The following ARHGAP39 variants were observed in gnomAD, a reference collection of about 807,000 sequenced individuals.
ARHGAP39 encodes Rho GTPase activating protein 39.
ARHGAP39 carries 44 observed loss-of-function variants against 106.9 expected under a neutral mutation model. The ratio of observed to expected loss-of-function variants is 0.41; its 90% confidence interval spans 0.32 to 0.53. The LOEUF is 0.53. Ranked by LOEUF, ARHGAP39 falls within the 20% of genes least tolerant of loss-of-function variation. The pLI is 0.21. For synonymous variants in ARHGAP39, 768 were observed against 693.2 expected (o/e 1.11, Z -1.69); for missense variants, 1,496 against 1,577.3 (o/e 0.95, Z 0.87).
At chr8:144,601,353 C>CGTGTGCGTGGAGGTGT (rs1819926901) in intron 2 of ARHGAP39, among the ~76,000 whole-genome samples, 1 of 83,616 alleles carries the variant, frequency 1.2e-5, no homozygotes, top group African/African-American at 4.6e-5. Context: ...TACCTGTGTG[C>CGTGTGCGTGGAGGTGT]GTGTGCGAGC....
intron 1 of ARHGAP39, among the ~76,000 whole-genome samples, chr8:144,629,300 A>G (rs1214432024): frequency 6.6e-6 from 1 of 152,180 alleles, no homozygotes; most frequent in Non-Finnish European, 1.5e-5. Context: ...ACACCTCAAG[A>G]GCAGACCCGC....
At position 144,530,407 on chromosome 8, in the gene ARHGAP39, C is replaced by G. The variant is rs754099493; in HGVS notation, c.*15G>C. 5.7e-6 allele frequency: 9 copies of G among 1,580,420 alleles called. No homozygotes were observed. The highest frequency in any genetic ancestry group is 6.9e-6 in the Non-Finnish European group (8 of 1,160,576). On this transcript the variant is annotated 3_prime_UTR_variant, in exon 12 of 12. Transcript: ENST00000377307. ...GGGGGCGGCAGGACATCCCTCCTGT[C>G]CCCGGGCGCCCCCGCTACAGCACAC...
At position 144,646,573 on chromosome 8, in the gene ARHGAP39, C is replaced by T. The variant is rs1821449616; in HGVS notation, c.-82+39113G>A. On this transcript the variant is annotated intron_variant, in intron 1 of 11. Coordinates refer to ENST00000377307, the MANE Select transcript of ARHGAP39 (RefSeq NM_025251.3). This position sits in a 1 kb window ranked among gnomAD's most constrained non-coding sequence, Gnocchi z 5.7. The stretch of plus-strand genomic sequence containing the variant: ...ACTGGGGTGGGCACAGGCTGGCGGG[C>T]ATGGAAGCCTCGTCCTTTCTGCACC... Among the ~76,000 whole-genome samples, 1 of 152,302 alleles carries T rather than the reference C, an allele frequency of 6.6e-6. No individual in the cohort carries two copies. Among genetic ancestry groups the T allele is most frequent in the African/African-American group, 2.4e-5 (1 of 41,566 alleles).
chr8:144,579,222 A>AAG (rs1377643600), intron 3 of ARHGAP39, among the ~76,000 whole-genome samples: 4 of 150,814 alleles, frequency 2.7e-5, no homozygotes, highest in Admixed American at 1.3e-4. Context: ...AAAAAAAAAA[A>AAG]AAAGAAAGTG....
At chr8:144,626,499 G>A (rs1371280073) in intron 1 of ARHGAP39, among the ~76,000 whole-genome samples, 1 of 84,028 alleles carries the variant, frequency 1.2e-5, no homozygotes, top group Admixed American at 1.1e-4. Context: ...CTGTCCCCGC[G>A]GCCCCGTTCA....
At chr8:144,631,218 A>AC (rs1489165529) in intron 1 of ARHGAP39, among the ~76,000 whole-genome samples, 17 of 152,204 alleles carry the variant, frequency 1.1e-4, no homozygotes, top group African/African-American at 3.4e-4. Flanking sequence ...GCCAGACCCC[A>AC]CCTCCAACAC....
intron 2 of ARHGAP39, among the ~76,000 whole-genome samples, chr8:144,599,358 T>C (rs1819753110): frequency 6.6e-6 from 1 of 152,166 alleles, no homozygotes; most frequent in African/African-American, 2.4e-5. Flanking sequence ...GGCAGTGATG[T>C]CTAGGGGATG....
intron 1 of ARHGAP39, among the ~76,000 whole-genome samples, chr8:144,637,900 G>T (rs1224256865): frequency 6.7e-6 from 1 of 149,146 alleles, no homozygotes; most frequent in Non-Finnish European, 1.5e-5. Flanking sequence ...TTGCTATGTT[G>T]CTTAGGCTGG....
chr8:144,546,179 A>C (rs1442183995), intron 5 of ARHGAP39, among the ~76,000 whole-genome samples: 1 of 152,140 alleles, frequency 6.6e-6, no homozygotes, highest in African/African-American at 2.4e-5. Flanking sequence ...TCAGGCACGG[A>C]AGGCTGCAGT....
chr8:144,555,957 A>G (rs1384184284), intron 3 of ARHGAP39, among the ~76,000 whole-genome samples: 1 of 152,224 alleles, frequency 6.6e-6, no homozygotes, highest in Non-Finnish European at 1.5e-5. Context: ...TCAGCCAGAC[A>G]TAAAAAGATG....
intron 4 of ARHGAP39, among the ~76,000 whole-genome samples, chr8:144,553,489 A>C (rs1167181432): frequency 2.0e-5 from 3 of 152,002 alleles, no homozygotes; most frequent in Non-Finnish European, 4.4e-5. Context: ...CCACTTCCCC[A>C]CCCTGCTCCA....
At chr8:144,618,075 C>G (rs1441110564) in intron 1 of ARHGAP39, among the ~76,000 whole-genome samples, 1 of 152,184 alleles carries the variant, frequency 6.6e-6, no homozygotes, top group Non-Finnish European at 1.5e-5. Flanking sequence ...AGCCACCACG[C>G]CTGGCCTAAA....
intron 2 of ARHGAP39, among the ~76,000 whole-genome samples, chr8:144,596,852 C>A (rs1264025067): frequency 6.6e-6 from 1 of 152,248 alleles, no homozygotes. Flanking sequence ...GGGTACCACA[C>A]CCCTAAGCAC....
In ARHGAP39 at chr8:144,533,232, C is replaced by T; in HGVS notation, c.2782G>A (p.Gly928Ser). ...MFGSALQEVM[G>S]MQRERYPERQ... ...TCGGGGTAGCGCTCTCTCTGCATGC[C>T]CATGACCTCCTGCAGTGCGCTGCCG... The change falls in exon 9 of 12, where the codon GGC (glycine) becomes AGC (serine). Residue 928 changes from glycine to serine, a missense_variant. By Grantham distance (56) the Gly-to-Ser change is moderately conservative. This residue lies in a region of ARHGAP39 where 470 missense variants were observed against 605.1 expected (regional missense o/e 0.78). Transcript: ENST00000377307. 6.2e-7 allele frequency: 1 copy of T among 1,613,128 alleles called. No individual in the cohort carries two copies. Among genetic ancestry groups the T allele is most frequent in the Non-Finnish European group, 8.5e-7 (1 of 1,179,988 alleles).
At chr8:144,541,285 G>C (rs1263682217) in intron 6 of ARHGAP39, among the ~76,000 whole-genome samples, 1 of 152,156 alleles carries the variant, frequency 6.6e-6, no homozygotes, top group African/African-American at 2.4e-5. Context: ...TCCCACCATC[G>C]GCCCAGGATT....
rs386414277 is a variant in ARHGAP39, at chr8:144,627,554, CAAAAAAAAA to C, written c.-81-21868_-81-21860del. Among the ~76,000 whole-genome samples, 7 of 103,778 alleles carry C rather than the reference CAAAAAAAAA, an allele frequency of 6.7e-5. No homozygotes were observed. The South Asian group carries it at 2.5e-3, about 36-fold the overall frequency. The allele number at this position is 103,778 out of a possible 152,430, so 68.1% of individuals were successfully genotyped here. ...TGGGAGACAGAGTGAGACTCCATCTCAAAAAAAAAAAAAAAAAGAAAGGAAGGAGGTTCA... is the reference window on the plus strand; with the variant it reads ...TGGGAGACAGAGTGAGACTCCATCTCAAAAAAAAGAAAGGAAGGAGGTTCA... On this transcript the variant is annotated intron_variant, in intron 1 of 11. Coordinates refer to ENST00000377307, the MANE Select transcript of ARHGAP39 (RefSeq NM_025251.3).
intron 2 of ARHGAP39, among the ~76,000 whole-genome samples, chr8:144,596,964 G>A (rs1227979061): frequency 6.6e-6 from 1 of 152,234 alleles, no homozygotes; most frequent in Non-Finnish European, 1.5e-5. Flanking sequence ...ACCACCAGAA[G>A]GGCAAGGCAG....
At chr8:144,627,482 G>T (rs1820952196) in intron 1 of ARHGAP39, among the ~76,000 whole-genome samples, 1 of 151,586 alleles carries the variant, frequency 6.6e-6, no homozygotes, top group Non-Finnish European at 1.5e-5. Context: ...TTGAACCTGG[G>T]AGGCGGAGCT....
chr8:144,651,003 C>T (rs1460635742), intron 1 of ARHGAP39, among the ~76,000 whole-genome samples: 8 of 152,268 alleles, frequency 5.3e-5, no homozygotes, highest in East Asian at 3.9e-4. Context: ...AAAACCCCAT[C>T]GTCTCAGCCC....
Sources: allele counts gnomAD v4.1 joint callset (sites outside exome capture counted in the v4.1 genomes callset), GRCh38; gene constraint gnomAD v4.1.1; regional missense constraint gnomAD v4.1.1; non-coding constraint Gnocchi (gnomAD v3.1); transcripts MANE v1.5; gene names NCBI Gene and HGNC (gene_info 2026-07-23, HGNC 2026-07-21).